Variants in CYP39A1 observed in about 807,000 individuals in gnomAD.
The protein encoded by CYP39A1 is 24-hydroxycholesterol 7-alpha-hydroxylase.
Under a neutral mutation model 58.1 loss-of-function variants are expected in CYP39A1, and 49 were observed. That is an observed-to-expected ratio of 0.84 (90% CI 0.67 to 1.07). The LOEUF (loss-of-function observed/expected upper bound fraction) is 1.07. Ranked by LOEUF, CYP39A1 falls within the 50% of genes least tolerant of loss-of-function variation. CYP39A1 has a pLI of 0.00. For synonymous variants in CYP39A1, 209 were observed against 187.6 expected (o/e 1.11, Z -0.93); for missense variants, 531 against 539.4 (o/e 0.98, Z 0.16).
intron 7 of CYP39A1, among the ~76,000 whole-genome samples, chr6:46,621,668 C>A (rs1774965742): frequency 6.6e-6 from 1 of 151,984 alleles, no homozygotes; most frequent in African/African-American, 2.4e-5. Flanking sequence ...CTGAATTAAT[C>A]AAAAAACTTC....
At chr6:46,552,525 TTTTA>T (rs1484466585) in intron 11 of CYP39A1, among the ~76,000 whole-genome samples, 1 of 151,974 alleles carries the variant, frequency 6.6e-6, no homozygotes, top group Non-Finnish European at 1.5e-5. Context: ...CACCTAAGAG[TTTTA>T]TTTATCTCTC....
intron 7 of CYP39A1, among the ~76,000 whole-genome samples, chr6:46,601,441 T>C (rs967831233): frequency 1.3e-5 from 2 of 152,146 alleles, no homozygotes; most frequent in African/African-American, 4.8e-5. Context: ...CATTCTCACT[T>C]TGGCAAATAA....
rs551198574 is a variant in CYP39A1 at position 46,602,016 on chromosome 6, G to A, written c.932-5896C>T. ...TTCCTATTAATATATAAAATAACCCGGGATCCCCCAAATAGGATGTGATTA... is the reference window on the plus strand; with the variant it reads ...TTCCTATTAATATATAAAATAACCCAGGATCCCCCAAATAGGATGTGATTA... On this transcript the variant is annotated intron_variant, in intron 7 of 11. Coordinates refer to ENST00000275016, the MANE Select transcript of CYP39A1 (RefSeq NM_016593.5). 7.9e-5 allele frequency among the ~76,000 whole-genome samples: 12 copies of A among 151,998 alleles called. No homozygotes were observed. In the East Asian group the frequency reaches 1.4e-3, roughly 17 times the overall value.
At chr6:46,651,465 A>G (rs941714322) in intron 1 of CYP39A1, among the ~76,000 whole-genome samples, 2 of 152,254 alleles carry the variant, frequency 1.3e-5, no homozygotes, top group Non-Finnish European at 2.9e-5. Context: ...GTTGTTCATT[A>G]AATAGTTGTA....
At chr6:46,571,264 C>T (rs1771572112) in intron 10 of CYP39A1, among the ~76,000 whole-genome samples, 1 of 151,868 alleles carries the variant, frequency 6.6e-6, no homozygotes, top group African/African-American at 2.4e-5. Flanking sequence ...AGTTCAAGTC[C>T]CATGTTTCCT....
chr6:46,650,484 C>CTT (rs567314746), intron 1 of CYP39A1, among the ~76,000 whole-genome samples: 2,874 of 35,200 alleles, frequency 0.082, 792 homozygotes, highest in South Asian at 0.16. Flanking sequence ...CAGTCATATT[C>CTT]TTTTTTTTTT....
chr6:46,585,099 C>T (rs1772387992), intron 10 of CYP39A1, among the ~76,000 whole-genome samples: 1 of 151,980 alleles, frequency 6.6e-6, no homozygotes, highest in African/African-American at 2.4e-5. Flanking sequence ...ATCATGGTTC[C>T]CTTTATTATA....
chr6:46,592,528 T>C (rs1482307139), intron 8 of CYP39A1, among the ~76,000 whole-genome samples: 1 of 152,180 alleles, frequency 6.6e-6, no homozygotes, highest in Non-Finnish European at 1.5e-5. Flanking sequence ...ATCTTCACAC[T>C]GTTTATAGAA....
chr6:46,619,631 A>G (rs1774834733), intron 7 of CYP39A1, among the ~76,000 whole-genome samples: 1 of 152,078 alleles, frequency 6.6e-6, no homozygotes, highest in South Asian at 2.1e-4. Flanking sequence ...AAAGAGTTCC[A>G]GGCACAGGAA....
chr6:46,624,502 T>G (rs1446893740), intron 7 of CYP39A1, among the ~76,000 whole-genome samples: 2 of 152,142 alleles, frequency 1.3e-5, no homozygotes, highest in Non-Finnish European at 1.5e-5. Context: ...ACAATATTAC[T>G]TAGATATTCA....
At chr6:46,628,051 A>G (rs1775428200) in intron 6 of CYP39A1, among the ~76,000 whole-genome samples, 1 of 152,232 alleles carries the variant, frequency 6.6e-6, no homozygotes, top group Non-Finnish European at 1.5e-5. Flanking sequence ...AGAGGTAAGA[A>G]CAAATGAGAG....
chr6:46,646,384 T>C lies in CYP39A1; in HGVS notation c.178-4086A>G, dbSNP rs576659466. On this transcript the variant is annotated intron_variant, in intron 1 of 11. Coordinates refer to ENST00000275016, the MANE Select transcript of CYP39A1 (RefSeq NM_016593.5). The stretch of plus-strand genomic sequence containing the variant: ...TTCTGTATCAATTATGTGCTTTTTC[T>C]TCTTTAGCTTGTTAATACAGCAGCC... Among the ~76,000 whole-genome samples the C allele has an allele frequency of 5.3e-5, 8 of 152,268 alleles. No homozygotes were observed. The South Asian group carries it at 1.7e-3, about 32-fold the overall frequency.
chr6:46,550,984 A>G (rs1009677872), intron 11 of CYP39A1, among the ~76,000 whole-genome samples: 4 of 152,162 alleles, frequency 2.6e-5, no homozygotes, highest in Non-Finnish European at 4.4e-5. Flanking sequence ...CGAGTTAGAA[A>G]TAAGATATGA....
chr6:46,575,005 GA>G (rs1373975577), intron 10 of CYP39A1, among the ~76,000 whole-genome samples: 1 of 152,072 alleles, frequency 6.6e-6, no homozygotes, highest in Non-Finnish European at 1.5e-5. Context: ...TGAAAGTAGA[GA>G]AAGTTGGGAA....
intron 10 of CYP39A1, among the ~76,000 whole-genome samples, chr6:46,559,692 C>T (rs565576963): frequency 2.6e-5 from 4 of 152,256 alleles, no homozygotes; most frequent in African/African-American, 7.2e-5. Context: ...GCTGGGAGCT[C>T]AGCAAAGACT....
rs1439089042 is a variant in CYP39A1 at position 46,625,524 on chromosome 6, A to T, written c.841-16T>A. ...AAAATGCAACCTTAAAAAGAAAAAC[A>T]TATATCAAAAATATGAACTTCTTTG... On this transcript the variant is annotated splice_polypyrimidine_tract_variant and intron_variant, in intron 6 of 11. Coordinates refer to ENST00000275016, the MANE Select transcript of CYP39A1 (RefSeq NM_016593.5). 6.3e-7 allele frequency: 1 copy of T among 1,577,112 alleles called. No individual in the cohort carries two copies. The highest frequency in any genetic ancestry group is 8.7e-7 in the Non-Finnish European group (1 of 1,151,196).
intron 10 of CYP39A1, among the ~76,000 whole-genome samples, chr6:46,580,461 A>G (rs1772069856): frequency 6.6e-6 from 1 of 152,206 alleles, no homozygotes; most frequent in Non-Finnish European, 1.5e-5. Context: ...ATTTCATGAT[A>G]AAGTCTCCAA....
chr6:46,584,132 A>G (rs186299313), intron 10 of CYP39A1, among the ~76,000 whole-genome samples: 1 of 152,248 alleles, frequency 6.6e-6, no homozygotes, highest in African/African-American at 2.4e-5. Flanking sequence ...TTGCTATTTT[A>G]TTTCTCTTTA....
At chr6:46,629,593 C>T (rs1435475730) in intron 6 of CYP39A1, among the ~76,000 whole-genome samples, 1 of 152,128 alleles carries the variant, frequency 6.6e-6, no homozygotes, top group Admixed American at 6.5e-5. Flanking sequence ...GTAAATTTTT[C>T]AACAAGTTAA....
Sources: gnomAD v4.1 joint callset for allele counts (sites outside exome capture counted in the v4.1 genomes callset) on GRCh38, gnomAD v4.1.1 for gene constraint, MANE v1.5 for transcripts, NCBI Gene and HGNC (gene_info 2026-07-23, HGNC 2026-07-21) for gene names.